GPC6: variants seen among roughly 807,000 people sequenced by gnomAD.
GPC6 encodes the protein glypican 6.
GPC6 carries 14 observed loss-of-function variants against 55.2 expected under a neutral mutation model. The observed-to-expected ratio is 0.25, with a 90% CI of 0.17 to 0.40. GPC6 has a LOEUF of 0.40. Among genes scored for constraint, GPC6 ranks in the 10% least tolerant of loss-of-function variants. GPC6 has a pLI of 1.00. For missense variants in GPC6, 641 were observed against 708.5 expected, an observed-to-expected ratio of 0.90 and a Z score of 1.08; for synonymous variants, 278 against 259.6, an observed-to-expected ratio of 1.07 and a Z score of -0.68.
chr13:93,619,805 C>T (rs1878875724), intron 2 of GPC6, among the ~76,000 whole-genome samples: 3 of 151,914 alleles, frequency 2.0e-5, no homozygotes, highest in Admixed American at 6.6e-5. Context: ...TATATACAGC[C>T]AGTGTTTTGG....
chr13:93,323,568 C>A (rs1294636368), intron 1 of GPC6, among the ~76,000 whole-genome samples: 2 of 152,144 alleles, frequency 1.3e-5, no homozygotes, highest in African/African-American at 4.8e-5. Flanking sequence ...TTAGCAAGTT[C>A]CGCCTCCTCA....
chr13:94,402,098 G>T (rs998274748), intron 8 of GPC6, among the ~76,000 whole-genome samples: 1 of 152,212 alleles, frequency 6.6e-6, no homozygotes, highest in East Asian at 1.9e-4. Context: ...GGACAAGCTG[G>T]CTGGGACAGA....
At chr13:93,940,656 C>T (rs957168548) in intron 3 of GPC6, among the ~76,000 whole-genome samples, 3 of 151,980 alleles carry the variant, frequency 2.0e-5, no homozygotes, top group Admixed American at 6.6e-5. Context: ...CTGTAAAATC[C>T]TTGATTTGAA....
At chr13:93,456,401 A>G (rs978724858) in intron 1 of GPC6, among the ~76,000 whole-genome samples, 1 of 152,192 alleles carries the variant, frequency 6.6e-6, no homozygotes, top group African/African-American at 2.4e-5. Flanking sequence ...AATGATAATG[A>G]AAGAAATTTT....
At chr13:93,974,946 C>T (rs976773662) in intron 3 of GPC6, among the ~76,000 whole-genome samples, 1 of 152,058 alleles carries the variant, frequency 6.6e-6, no homozygotes, top group Non-Finnish European at 1.5e-5. Context: ...GGTCAGAAAG[C>T]CAGGATGCAG....
intron 1 of GPC6, among the ~76,000 whole-genome samples, chr13:93,501,497 T>A (rs1594217038): frequency 6.6e-6 from 1 of 152,176 alleles, no homozygotes; most frequent in South Asian, 2.1e-4. Context: ...AAAGTTGACA[T>A]AAAAATGAGT....
intron 2 of GPC6, among the ~76,000 whole-genome samples, chr13:93,707,466 G>A (rs75434138): frequency 0.052 from 7,912 of 151,636 alleles, 693 homozygotes; most frequent in African/African-American, 0.18. Context: ...AAGAAAAATT[G>A]GATGGTAGGC....
intron 3 of GPC6, among the ~76,000 whole-genome samples, chr13:93,912,491 C>T (rs903633426): frequency 5.9e-5 from 9 of 152,250 alleles, no homozygotes; most frequent in Admixed American, 2.6e-4. Flanking sequence ...CGCCTGTAAT[C>T]CCAGCAATTT....
chr13:94,288,722 T>TTA (rs1231246868), intron 5 of GPC6, among the ~76,000 whole-genome samples: 2 of 120,640 alleles, frequency 1.7e-5, no homozygotes, highest in African/African-American at 3.2e-5. Context: ...TATATATTTG[T>TTA]TATATATATA....
At chr13:94,014,174 C>G (rs1285869888) in intron 3 of GPC6, among the ~76,000 whole-genome samples, 1 of 152,074 alleles carries the variant, frequency 6.6e-6, no homozygotes, top group African/African-American at 2.4e-5. Context: ...AATCAGTATT[C>G]AAATGGAATT....
At chr13:94,137,906 A>G (rs533762406) in intron 4 of GPC6, among the ~76,000 whole-genome samples, 1 of 152,316 alleles carries the variant, frequency 6.6e-6, no homozygotes, top group Non-Finnish European at 1.5e-5. Flanking sequence ...TAGAAATTGC[A>G]TGTCTAATAA....
chr13:93,630,743 T>G (rs1879392574), intron 2 of GPC6, among the ~76,000 whole-genome samples: 1 of 152,160 alleles, frequency 6.6e-6, no homozygotes, highest in Admixed American at 6.5e-5. Context: ...AGTATACTTT[T>G]ATTTTAAGAA....
chr13:93,781,276 GAAAAAAAA>G (rs10714640), intron 2 of GPC6, among the ~76,000 whole-genome samples: 2 of 136,240 alleles, frequency 1.5e-5, no homozygotes, highest in Admixed American at 7.4e-5. Flanking sequence ...CTCCATCTCC[GAAAAAAAA>G]AAAAAAGAAA....
rs949505205 is a variant in GPC6 at position 93,467,622 on chromosome 13, C to T, written c.161-77641C>T. On this transcript the variant is annotated intron_variant, in intron 1 of 8. Transcript: ENST00000377047. ...TTTGAGACATGGTCTCATCCTGTCA[C>T]CCAGGATGGAGTGCGGTATTGTGAT... 2.9e-5 allele frequency among the ~76,000 whole-genome samples: 4 copies of T among 139,904 alleles called. No homozygotes were observed. In the East Asian group the frequency reaches 6.3e-4, roughly 22 times the overall value. The allele number at this position is 139,904 out of a possible 152,430, so 91.8% of individuals were successfully genotyped here. A position where few individuals can be genotyped will look rare whatever the true frequency, so the allele number is the denominator to read the frequency against.
At chr13:93,593,272 A>G (rs1029752596) in intron 2 of GPC6, among the ~76,000 whole-genome samples, 2 of 152,120 alleles carry the variant, frequency 1.3e-5, no homozygotes, top group Non-Finnish European at 2.9e-5. Flanking sequence ...ATTTACGAAA[A>G]TGGAAGCTAA....
At chr13:93,361,724 G>A (rs1266692570) in intron 1 of GPC6, among the ~76,000 whole-genome samples, 2 of 152,144 alleles carry the variant, frequency 1.3e-5, no homozygotes, top group Non-Finnish European at 2.9e-5. Context: ...GCGAGACCCT[G>A]CAAATGCTAA....
At chr13:93,542,962 T>G (rs79561362) in intron 1 of GPC6, among the ~76,000 whole-genome samples, 13 of 152,262 alleles carry the variant, frequency 8.5e-5, no homozygotes, top group African/African-American at 2.2e-4. Context: ...CAGTCATGTC[T>G]TCTGCAAACA....
At chr13:93,795,109 A>G (rs1594463523) in intron 2 of GPC6, among the ~76,000 whole-genome samples, 1 of 152,166 alleles carries the variant, frequency 6.6e-6, no homozygotes, top group South Asian at 2.1e-4. Context: ...CTCATGCATG[A>G]AAGAATTCAG....
intron 3 of GPC6, among the ~76,000 whole-genome samples, chr13:93,948,310 A>C (rs955344766): frequency 6.6e-6 from 1 of 152,238 alleles, no homozygotes; most frequent in Non-Finnish European, 1.5e-5. Flanking sequence ...CAGGAATGAC[A>C]GCCAGTTATG....
Sources: allele counts gnomAD v4.1 joint callset (sites outside exome capture counted in the v4.1 genomes callset), GRCh38; gene constraint gnomAD v4.1.1; transcripts MANE v1.5; gene names NCBI Gene and HGNC (gene_info 2026-07-23, HGNC 2026-07-21).